BAHCC1: variants seen among roughly 807,000 people sequenced by gnomAD.
The protein encoded by BAHCC1 is BAH domain and coiled-coil containing 1, also known as BAH and coiled-coil domain-containing protein 1.
BAHCC1 carries 43 observed loss-of-function variants against 88.2 expected under a neutral mutation model. The ratio of observed to expected loss-of-function variants is 0.49; its 90% CI spans 0.38 to 0.63. The LOEUF (loss-of-function observed/expected upper bound fraction) is 0.63. BAHCC1 is among the 20% of genes least tolerant of loss of function. The pLI is 0.00. For missense variants in BAHCC1, 3,023 were observed against 1,654.8 expected (o/e 1.83, Z -14.34); for synonymous variants, 1,510 against 745.5 (o/e 2.03, Z -16.71).
chr17:81,414,822 C>A (rs2063999016), intron 2 of BAHCC1, among the ~76,000 whole-genome samples: 1 of 152,018 alleles, frequency 6.6e-6, no homozygotes, highest in African/African-American at 2.4e-5. Context: ...ACCCCCTGGG[C>A]CCAGCCGTGC....
At position 81,435,406 on chromosome 17, in the gene BAHCC1, A is replaced by T. The variant is rs1555651578; in HGVS notation, c.359-2964A>T. On this transcript the variant is annotated intron_variant, in intron 3 of 27. Coordinates refer to ENST00000675386, the MANE Select transcript of BAHCC1 (RefSeq NM_001377448.1). The surrounding 1 kb of genome is among the most constrained non-coding windows in gnomAD (Gnocchi z 4.4). ...ATGTGGGGACCTCGGTGCGACCCCC[A>T]CTGCCCCCAGGGCTCTTCCCCACGC... 2.1e-6 allele frequency: 1 copy of T among 468,066 alleles called. No individual in the cohort carries two copies. 29.0% of individuals were successfully genotyped at this position (468,066 alleles called of 1,614,324 possible).
intron 14 of BAHCC1, among the ~76,000 whole-genome samples, chr17:81,453,438 A>G (rs547313802): frequency 8.5e-4 from 129 of 152,392 alleles, no homozygotes; most frequent in Admixed American, 1.6e-3. Context: ...ATGATTTGGT[A>G]ATAATAGTTA....
chr17:81,460,467 G>C, intron 24 of BAHCC1, 63 bp from the exon 25 acceptor site: 1 of 725,680 alleles, frequency 1.4e-6, no homozygotes, highest in Non-Finnish European at 2.6e-6. Flanking sequence ...TCCCAAGGAA[G>C]GGTTGGGGTG....
chr17:81,417,834 TC>T (rs1477115501), intron 2 of BAHCC1, among the ~76,000 whole-genome samples: 1 of 152,218 alleles, frequency 6.6e-6, no homozygotes, highest in Non-Finnish European at 1.5e-5. Context: ...GTGCTCCTGT[TC>T]CTGGGCGGGC....
At chr17:81,446,697 C>T (rs1555654445) in intron 10 of BAHCC1, 2 of 445,502 alleles carry the variant, frequency 4.5e-6, no homozygotes, top group South Asian at 1.8e-5. Context: ...CACAGGCATG[C>T]ACCACCACGC....
At chr17:81,439,610 T>G (rs2064383774) in intron 4 of BAHCC1, among the ~76,000 whole-genome samples, 1 of 147,348 alleles carries the variant, frequency 6.8e-6, no homozygotes. Flanking sequence ...ACGCCCAGGC[T>G]GTGGGGGATG....
In BAHCC1 at chr17:81,445,009, C is replaced by T. The variant is rs1555653920; in HGVS notation, c.2672-6C>T. 2.6e-6 allele frequency: 2 copies of T among 755,380 alleles called. No individual in the cohort carries two copies. Among genetic ancestry groups the T allele is most frequent in the Admixed American group, 1.8e-5 (1 of 55,260 alleles). The allele number at this position is 755,380 out of a possible 1,614,324, so 46.8% of individuals were successfully genotyped here. The stretch of plus-strand genomic sequence containing the variant: ...CAGGCTGACCCCTCCTGGGCCCTGC[C>T]CACAGCGGATGTCATGGACCAGGCG... On this transcript the variant is annotated splice_polypyrimidine_tract_variant and splice_region_variant and intron_variant, in intron 8 of 27. Transcript: ENST00000675386.
At chr17:81,406,907 G>C in intron 2 of BAHCC1, 1 of 456,328 alleles carries the variant, frequency 2.2e-6, no homozygotes, top group Non-Finnish European at 4.4e-6. Flanking sequence ...CTGTCCACAC[G>C]ATTAGGTTCC....
At position 81,445,610 on chromosome 17, in the gene BAHCC1, G is replaced by A. The variant is rs782530130; in HGVS notation, c.3092G>A (p.Arg1031Gln). ...GCCAGCAGCCCCGGGCCTGGCTCCC[G>A]GGTGCGCAGCGCCGAGGAAAAGAAT... Reference protein sequence around the residue: ...CPASSPGPGSRVRSAEEKNGE... With the variant: ...CPASSPGPGSQVRSAEEKNGE... Residue 1031 changes from arginine to glutamine, a missense_variant, in exon 10 of 28, where the codon CGG becomes CAG. Arg to Gln is a conservative substitution (Grantham distance 43). Coordinates refer to ENST00000675386, the MANE Select transcript of BAHCC1 (RefSeq NM_001377448.1). 6.9e-5 allele frequency: 50 copies of A among 729,778 alleles called. No homozygotes were observed. The East Asian group carries it at 8.1e-4, about 12-fold the overall frequency. The allele number at this position is 729,778 out of a possible 1,614,324, so 45.2% of individuals were successfully genotyped here. A position where few individuals can be genotyped will look rare whatever the true frequency, so the allele number is the denominator to read the frequency against.
chr17:81,442,256 G>T lies in BAHCC1; in HGVS notation c.907G>T (p.Ala303Ser), dbSNP rs1555652716. 1 of 630,572 alleles carries T rather than the reference G, an allele frequency of 1.6e-6. No individual in the cohort carries two copies. Among genetic ancestry groups the T allele is most frequent in the East Asian group, 2.8e-5 (1 of 35,724 alleles). The allele number at this position is 630,572 out of a possible 1,614,324, so 39.1% of individuals were successfully genotyped here. A position where few individuals can be genotyped will look rare whatever the true frequency, so the allele number is the denominator to read the frequency against. The change falls in exon 5 of 28, where the codon GCA (alanine) becomes TCA (serine). Residue 303 changes from alanine to serine, a missense_variant. Ala to Ser is a moderately conservative substitution (Grantham distance 99). Transcript: ENST00000675386. ...EMGRAALASC[A>S]GGMLGRPGTG... The stretch of plus-strand genomic sequence containing the variant: ...GGGCAGGGCTGCGCTAGCCAGCTGT[G>T]CAGGGGGCATGCTGGGGCGGCCTGG...
intron 27 of BAHCC1, 102 bp from the exon 28 acceptor site, chr17:81,463,509 G>A (rs926196259): frequency 3.9e-5 from 28 of 709,862 alleles, no homozygotes; most frequent in South Asian, 1.0e-4. Context: ...AAGTCCATCC[G>A]GTGACCCTTA....
chr17:81,444,812 C>G lies in BAHCC1; in HGVS notation c.2657C>G (p.Ala886Gly), dbSNP rs200568819. 5.2e-6 allele frequency: 4 copies of G among 776,170 alleles called. No individual in the cohort carries two copies. In the African/African-American group the frequency reaches 6.8e-5, roughly 13 times the overall value. The allele number at this position is 776,170 out of a possible 1,614,324, so 48.1% of individuals were successfully genotyped here. ...CCCTCAGAGCCCACACCCCACAGCG[C>G]CCCCCACGCACTTGGTAAGGGCCCC... ...ILPSEPTPHS[A>G]PHALADVMDQ... Residue 886 changes from alanine to glycine, a missense_variant, in exon 8 of 28, where the codon GCC (alanine) becomes GGC (glycine). Coordinates refer to ENST00000675386, the MANE Select transcript of BAHCC1 (RefSeq NM_001377448.1).
Position 81,399,960 on chromosome 17 carries a change from G to C in BAHCC1, c.178+43G>C. 7.7e-7 allele frequency: 1 copy of C among 1,290,466 alleles called. No individual in the cohort carries two copies. The highest frequency in any genetic ancestry group is 9.9e-7 in the Non-Finnish European group (1 of 1,011,518). The allele number at this position is 1,290,466 out of a possible 1,614,324, so 79.9% of individuals were successfully genotyped here. On this transcript the variant is annotated intron_variant, in intron 2 of 27. Transcript: ENST00000675386. The surrounding 1 kb of genome is among the most constrained non-coding windows in gnomAD (Gnocchi z 4.5). ...GCGGGCGCGGGACGGGAGCGTTCGA[G>C]AGCGGAACAGGGCGCCCACCCCTCC...
chr17:81,408,974 G>A (rs777877294), intron 2 of BAHCC1, among the ~76,000 whole-genome samples: 3 of 152,250 alleles, frequency 2.0e-5, no homozygotes, highest in Admixed American at 6.5e-5. Context: ...ACAGGCACGC[G>A]TGTGTGGGTG....
chr17:81,460,418 G>T, intron 24 of BAHCC1, 22 bp downstream of exon 24: 1 of 747,202 alleles, frequency 1.3e-6, no homozygotes, highest in South Asian at 1.4e-5. Context: ...AGCTGCACGG[G>T]GCAGGGCCCT....
In BAHCC1 at chr17:81,421,370, G is replaced by T. The variant is rs570903532; in HGVS notation, c.179-5430G>T. Among the ~76,000 whole-genome samples, 4 of 152,328 alleles carry T rather than the reference G, an allele frequency of 2.6e-5. No individual in the cohort carries two copies. In the South Asian group the frequency reaches 8.3e-4, roughly 32 times the overall value. On this transcript the variant is annotated intron_variant, in intron 2 of 27. Transcript: ENST00000675386. ...GGCTGGGGAGGTGGCAGCCTGGTCTGCCCACGGCTCTGCTGGCCAGTCACG... is the reference window on the plus strand; with the variant it reads ...GGCTGGGGAGGTGGCAGCCTGGTCTTCCCACGGCTCTGCTGGCCAGTCACG...
intron 27 of BAHCC1, 145 bp from the exon 28 acceptor site, chr17:81,463,466 C>T (rs1288620691): frequency 2.0e-5 from 13 of 648,020 alleles, no homozygotes; most frequent in Non-Finnish European, 3.4e-5. Flanking sequence ...TGGTCCCTGG[C>T]AGGTTCCTCG....
At chr17:81,441,707 T>G (rs1271834082) in intron 4 of BAHCC1, 124 bp from the exon 5 acceptor site, 6 of 404,726 alleles carry the variant, frequency 1.5e-5, no homozygotes, top group Non-Finnish European at 2.7e-5. Flanking sequence ...AAACCTTCCC[T>G]AGGCTGTAAC....
chr17:81,403,051 GA>G, intron 2 of BAHCC1: 1 of 152,338 alleles, frequency 6.6e-6, no homozygotes, highest in South Asian at 2.1e-4. Context: ...ATCTAGGGGG[GA>G]GAAAAGAGAA....
Sources: gnomAD v4.1 joint callset for allele counts (sites outside exome capture counted in the v4.1 genomes callset) on GRCh38, gnomAD v4.1.1 for gene constraint, Gnocchi (gnomAD v3.1) non-coding constraint, MANE v1.5 for transcripts, NCBI Gene and HGNC (gene_info 2026-07-23, HGNC 2026-07-21) for gene names.